HERC2: variants seen among roughly 807,000 people sequenced by gnomAD.
The protein encoded by HERC2 is HECT and RLD domain containing E3 ubiquitin protein ligase 2.
A neutral mutation model predicts 537.7 loss-of-function variants in HERC2; 102 were observed. The ratio of observed to expected loss-of-function variants is 0.19; its 90% confidence interval spans 0.16 to 0.22. The LOEUF (loss-of-function observed/expected upper bound fraction) is 0.22. Ranked by LOEUF, HERC2 falls within the 10% of genes least tolerant of loss-of-function variation. The pLI is 1.00. For synonymous variants in HERC2, 2,224 were observed against 2,466.2 expected (o/e 0.90, Z 2.91); for missense variants, 4,236 against 6,198.2 (o/e 0.68, Z 10.63).
At position 28,111,704 on chromosome 15, in the gene HERC2, A is replaced by G. The variant is rs1325027625; in HGVS notation, c.*59T>C. Reference sequence around the variant, plus strand: ...ACACCAGGCAGCCTACAGTCTACACAGCAGCGAGCGCTCTGCTGCCTGGCT... The same window carrying G: ...ACACCAGGCAGCCTACAGTCTACACGGCAGCGAGCGCTCTGCTGCCTGGCT... On this transcript the variant is annotated 3_prime_UTR_variant, in exon 93 of 93. Transcript: ENST00000261609. The G allele has an allele frequency of 1.9e-6, 3 of 1,561,932 alleles. No homozygotes were observed. Among genetic ancestry groups the G allele is most frequent in the Middle Eastern group, 1.8e-4 (1 of 5,542 alleles).
At chr15:28,231,171 T>A (rs530047139) in intron 30 of HERC2, among the ~76,000 whole-genome samples, 3 of 151,980 alleles carry the variant, frequency 2.0e-5, no homozygotes, top group East Asian at 1.9e-4. Flanking sequence ...CTCCTCAGCA[T>A]ATAATATAAA....
rs757303804 is a variant in HERC2 at position 28,111,746 on chromosome 15, G to A, written c.*17C>T. On this transcript the variant is annotated 3_prime_UTR_variant, in exon 93 of 93. Transcript: ENST00000261609. Reference sequence around the variant, plus strand: ...TGCCTGGCTCAGGCTCTCATCTCACGAGGACGTTTCCCCATCTTAGTGTCC... The same window carrying A: ...TGCCTGGCTCAGGCTCTCATCTCACAAGGACGTTTCCCCATCTTAGTGTCC... The A allele has an allele frequency of 2.2e-5, 35 of 1,610,752 alleles. No individual in the cohort carries two copies. Among genetic ancestry groups the A allele is most frequent in the South Asian group, 6.6e-5 (6 of 91,036 alleles).
At chr15:28,235,025 G>A (rs1057244691) in intron 26 of HERC2, among the ~76,000 whole-genome samples, 2 of 152,132 alleles carry the variant, frequency 1.3e-5, no homozygotes, top group African/African-American at 2.4e-5. Flanking sequence ...CAGTGCGAAC[G>A]TTAATTACAA....
chr15:28,191,284 A>G, intron 53 of HERC2, 40 bp from the exon 54 acceptor site: 1 of 1,332,784 alleles, frequency 7.5e-7, no homozygotes, highest in Middle Eastern at 1.8e-4. Flanking sequence ...AGTTAGCAAA[A>G]TTCAGCTATA....
rs1041050096 is a variant in HERC2, at chr15:28,117,575, T to A, written c.13273-421A>T. On this transcript the variant is annotated intron_variant, in intron 86 of 92. Coordinates refer to ENST00000261609, the MANE Select transcript of HERC2 (RefSeq NM_004667.6). ...AGACACCAGGAACTCCAAAAGCAGC[T>A]CCCCCAGCAGACCAGAACAGACTCC... is the stretch of plus-strand genomic sequence containing the variant. The A allele has an allele frequency of 1.3e-5, 6 of 474,600 alleles. No homozygotes were observed. The Admixed American group carries it at 1.4e-4, about 11-fold the overall frequency. The allele number at this position is 474,600 out of a possible 1,614,324, so 29.4% of individuals were successfully genotyped here.
intron 4 of HERC2, among the ~76,000 whole-genome samples, chr15:28,287,331 C>A (rs551212809): frequency 6.6e-6 from 1 of 152,246 alleles, no homozygotes; most frequent in Admixed American, 6.5e-5. Context: ...TGCTTTGAAT[C>A]CAAGCCCCTT....
chr15:28,197,372 T>C (rs1047764735), intron 50 of HERC2, among the ~76,000 whole-genome samples: 6 of 152,254 alleles, frequency 3.9e-5, no homozygotes, highest in African/African-American at 1.4e-4. Context: ...TAGTATCATA[T>C]TAAATATAAT....
chr15:28,244,449 C>T (rs1329092353), intron 23 of HERC2, among the ~76,000 whole-genome samples: 1 of 152,062 alleles, frequency 6.6e-6, no homozygotes, highest in Admixed American at 6.6e-5. Context: ...GACCACACAG[C>T]CTGGGGAAGG....
chr15:28,269,508 C>T (rs1158554668), intron 10 of HERC2, 72 bp from the exon 11 acceptor site: 2 of 1,195,726 alleles, frequency 1.7e-6, no homozygotes, highest in African/African-American at 1.5e-5. Context: ...TAACACTGAG[C>T]TACTACAAAA....
chr15:28,211,786 G>C (rs1235209671), intron 43 of HERC2, among the ~76,000 whole-genome samples: 2 of 152,240 alleles, frequency 1.3e-5, no homozygotes, highest in Non-Finnish European at 2.9e-5. Context: ...ATCCAGAGTT[G>C]AAAGTGCTTA....
chr15:28,312,553 C>T (rs1386531110), intron 2 of HERC2, among the ~76,000 whole-genome samples: 40 of 152,266 alleles, frequency 2.6e-4, no homozygotes, highest in African/African-American at 8.7e-4. Flanking sequence ...GTCACCTGCA[C>T]CCAGGAGTTT....
chr15:28,112,332 C>T (rs1467054364), intron 92 of HERC2, among the ~76,000 whole-genome samples: 1 of 152,116 alleles, frequency 6.6e-6, no homozygotes, highest in Admixed American at 6.5e-5. Flanking sequence ...GGACCAGGCA[C>T]GTGACCACGG....
chr15:28,229,566 T>A lies in HERC2; in HGVS notation c.5014A>T (p.Ile1672Leu). The change falls in exon 33 of 93, where the codon ATA (isoleucine) becomes TTA (leucine). Residue 1672 changes from isoleucine to leucine, a missense_variant. This residue lies in a region of HERC2 where 343 missense variants were observed against 417.2 expected (regional missense o/e 0.82). Transcript: ENST00000261609. Reference protein sequence around the residue: ...LERAEVRLEGIDTILKLASKN... With the variant: ...LERAEVRLEGLDTILKLASKN... ...CTCGCCAGTTTTAAAATTGTATCTA[T>A]CCCTTCCAGGCGAACCTCTGCTCTC... is the stretch of plus-strand genomic sequence containing the variant. 1 of 1,612,994 alleles carries A rather than the reference T, an allele frequency of 6.2e-7. No homozygotes were observed. The highest frequency in any genetic ancestry group is 8.5e-7 in the Non-Finnish European group (1 of 1,179,760).
intron 4 of HERC2, among the ~76,000 whole-genome samples, chr15:28,290,344 A>G (rs1045149873): frequency 2.0e-5 from 3 of 152,018 alleles, no homozygotes; most frequent in Non-Finnish European, 2.9e-5. Flanking sequence ...CACCCAGACT[A>G]AAGTGCAGGG....
At position 28,115,622 on chromosome 15, in the gene HERC2, A is replaced by G. The variant is rs545598938; in HGVS notation, c.13610-81T>C. ...CCGCTCACTCACACACGCCACTGAC[A>G]GCAGCTCCACACTCAGGACTCAGAG... On this transcript the variant is annotated intron_variant, in intron 88 of 92. Coordinates refer to ENST00000261609, the MANE Select transcript of HERC2 (RefSeq NM_004667.6). 1.8e-4 allele frequency: 171 copies of G among 939,144 alleles called. 6 individuals are homozygous for G. The South Asian group carries it at 2.5e-3, about 14-fold the overall frequency. The allele number at this position is 939,144 out of a possible 1,614,324, so 58.2% of individuals were successfully genotyped here.
At chr15:28,240,234 C>T (rs1349667838) in intron 23 of HERC2, among the ~76,000 whole-genome samples, 8 of 152,032 alleles carry the variant, frequency 5.3e-5, no homozygotes, top group East Asian at 1.9e-4. Context: ...CTGGCTAACA[C>T]GGTGAAACCC....
Position 28,136,103 on chromosome 15 carries a change from A to G in HERC2, c.12016-411T>C, listed in dbSNP as rs575885644. On this transcript the variant is annotated intron_variant, in intron 78 of 92. Coordinates refer to ENST00000261609, the MANE Select transcript of HERC2 (RefSeq NM_004667.6). ...CATTTTAATATTTCAGCAGGGCAGC[A>G]TATAAACCACAAGGGAAAAAACACC... 2.5e-3 allele frequency among the ~76,000 whole-genome samples: 362 copies of G among 142,494 alleles called. 1 individual carries two copies. The highest frequency in any genetic ancestry group is 8.6e-3 in the African/African-American group (344 of 40,226). 93.5% of individuals were successfully genotyped at this position (142,494 alleles called of 152,430 possible).
intron 5 of HERC2, among the ~76,000 whole-genome samples, chr15:28,276,192 CAAAAAAAAAAAA>C (rs11359639): frequency 5.7e-5 from 4 of 70,104 alleles, no homozygotes; most frequent in East Asian, 4.9e-4. Flanking sequence ...TCTCAAAAAA[CAAAAAAAAAAAA>C]AAAAAAAAAA....
chr15:28,188,163 ACAT>A (rs1346348420), intron 55 of HERC2, among the ~76,000 whole-genome samples: 2 of 152,152 alleles, frequency 1.3e-5, no homozygotes, highest in Non-Finnish European at 1.5e-5. Flanking sequence ...TAGAATGCAA[ACAT>A]CATCTGAATC....
Sources: allele counts gnomAD v4.1 joint callset (sites outside exome capture counted in the v4.1 genomes callset), GRCh38; gene constraint gnomAD v4.1.1; regional missense constraint gnomAD v4.1.1; transcripts MANE v1.5; gene names NCBI Gene and HGNC (gene_info 2026-07-23, HGNC 2026-07-21).